Variants in C8orf74 observed in about 807,000 individuals in gnomAD.
C8orf74 encodes the protein uncharacterized protein C8orf74.
A neutral mutation model predicts 22.2 loss-of-function variants in C8orf74; 29 were observed. That is an observed-to-expected ratio of 1.31 (90% CI 0.97 to 1.78). C8orf74 has a LOEUF of 1.78. Ranked by LOEUF, C8orf74 falls within the 40% of genes most tolerant of loss-of-function variation. The pLI, the probability that C8orf74 is intolerant of heterozygous loss-of-function variation, is 0.00. For missense variants in C8orf74, 515 were observed against 369.9 expected, an observed-to-expected ratio of 1.39 and a Z score of -3.22; for synonymous variants, 255 against 163.1, an observed-to-expected ratio of 1.56 and a Z score of -4.30.
At chr8:10,678,134 G>C (rs1302377752) in intron 2 of C8orf74, among the ~76,000 whole-genome samples, 2 of 152,180 alleles carry the variant, frequency 1.3e-5, no homozygotes, top group Non-Finnish European at 2.9e-5. Context: ...AATTAAACTG[G>C]CTGAAAATAG....
At chr8:10,688,707 G>T (rs1022344634) in intron 2 of C8orf74, 1 of 152,284 alleles carries the variant, frequency 6.6e-6, no homozygotes, top group African/African-American at 2.4e-5. Context: ...CCATCCTGAT[G>T]AGGTCAGGAG....
intron 2 of C8orf74, chr8:10,689,729 T>A (rs1799334402): frequency 6.6e-6 from 1 of 152,244 alleles, no homozygotes; most frequent in Admixed American, 6.5e-5. Flanking sequence ...TGTACTGTGT[T>A]CTTACAATAA....
At chr8:10,677,901 C>T (rs1378059921) in intron 2 of C8orf74, among the ~76,000 whole-genome samples, 3 of 152,196 alleles carry the variant, frequency 2.0e-5, no homozygotes, top group Non-Finnish European at 4.4e-5. Flanking sequence ...TGTGCAATGG[C>T]GATTTCGAAT....
chr8:10,674,919 C>A, intron 2 of C8orf74, 81 bp downstream of exon 2: 3 of 1,227,926 alleles, frequency 2.4e-6, no homozygotes, highest in Non-Finnish European at 3.4e-6. Flanking sequence ...CCGTCCACAG[C>A]CCCAGCAGCC....
At chr8:10,682,695 G>A (rs949728857) in intron 2 of C8orf74, among the ~76,000 whole-genome samples, 5 of 152,170 alleles carry the variant, frequency 3.3e-5, no homozygotes, top group East Asian at 1.9e-4. Flanking sequence ...ACCTCAACAC[G>A]TAAACTAGGG....
chr8:10,695,180 G>C (rs538826301), intron 2 of C8orf74, among the ~76,000 whole-genome samples: 2 of 152,260 alleles, frequency 1.3e-5, no homozygotes, highest in African/African-American at 4.8e-5. Context: ...GCTTGTATTA[G>C]GCTCTGTACG....
At chr8:10,681,254 G>T (rs1799141664) in intron 2 of C8orf74, among the ~76,000 whole-genome samples, 1 of 152,104 alleles carries the variant, frequency 6.6e-6, no homozygotes. Flanking sequence ...CTCCACACCA[G>T]GCCAGAAGAA....
chr8:10,690,758 C>T (rs1400874026), intron 2 of C8orf74: 7 of 416,500 alleles, frequency 1.7e-5, no homozygotes, highest in South Asian at 3.4e-5. Context: ...TGGTCCGAGC[C>T]GTTTCTGCCC....
intron 2 of C8orf74, among the ~76,000 whole-genome samples, chr8:10,690,648 C>G (rs900980667): frequency 3.9e-5 from 6 of 152,120 alleles, no homozygotes; most frequent in African/African-American, 1.4e-4. Context: ...AAGGAGCAGC[C>G]TTCCCCGTTT....
intron 2 of C8orf74, 125 bp downstream of exon 2, chr8:10,674,963 T>C (rs1181806973): frequency 2.7e-6 from 2 of 727,344 alleles, no homozygotes; most frequent in Non-Finnish European, 4.4e-6. Flanking sequence ...TGCCCTTCCC[T>C]GGCATTGGGC....
Position 10,700,421 on chromosome 8 carries a change from C to G in C8orf74, c.835C>G (p.Leu279Val). 6.2e-7 allele frequency: 1 copy of G among 1,611,416 alleles called. No homozygotes were observed. Among genetic ancestry groups the G allele is most frequent in the South Asian group, 1.1e-5 (1 of 90,812 alleles). The change falls in exon 4 of 4, where the codon CTG becomes GTG. Residue 279 changes from leucine to valine, a missense_variant. Leu to Val is a conservative substitution (Grantham distance 32). Transcript: ENST00000304519. ...CAGCCACGCAGGCCAGGAGGAAGCCCTGAAGCCCCAAAGAGCGAGCAAAGG... is the reference window on the plus strand; with the variant it reads ...CAGCCACGCAGGCCAGGAGGAAGCCGTGAAGCCCCAAAGAGCGAGCAAAGG... Reference protein sequence around the residue: ...ITSHAGQEEALKPQRASKGKK... With the variant: ...ITSHAGQEEAVKPQRASKGKK...
rs762179806 is a variant in C8orf74 at position 10,697,738 on chromosome 8, T to C, written c.381T>C (p.Tyr127=). Residue 127 remains tyrosine, a synonymous_variant, in exon 3 of 4, where the codon TAT becomes TAC. Transcript: ENST00000304519. ...TFIRHYKLYQ[Y]VLGQDQQVDL... is the part of the protein sequence containing the mutation. ...TCCGCCACTACAAACTCTACCAGTA[T>C]GTCCTGGGCCAGGACCAGCAGGTCG... The C allele has an allele frequency of 1.9e-6, 3 of 1,614,052 alleles. No individual in the cohort carries two copies. The highest frequency in any genetic ancestry group is 1.1e-5 in the South Asian group (1 of 91,090).
chr8:10,676,424 G>T (rs536701157), intron 2 of C8orf74, among the ~76,000 whole-genome samples: 39 of 151,936 alleles, frequency 2.6e-4, no homozygotes, highest in Non-Finnish European at 4.7e-4. Flanking sequence ...TCTCTTGATT[G>T]GTCCACTGCT....
chr8:10,684,141 T>G (rs13259547), intron 2 of C8orf74, among the ~76,000 whole-genome samples: 8,484 of 152,258 alleles, frequency 0.056, 249 homozygotes, highest in South Asian at 0.085. Context: ...TCTCATTTAG[T>G]CCCCATGGCA....
chr8:10,699,051 G>A (rs546745279), intron 3 of C8orf74, among the ~76,000 whole-genome samples: 3 of 152,238 alleles, frequency 2.0e-5, no homozygotes, highest in Admixed American at 6.5e-5. Context: ...CTTAGTTCAC[G>A]AAGACATTCA....
rs1364612022 is a variant in C8orf74 at position 10,700,279 on chromosome 8, G to A, written c.693G>A (p.Glu231=). ...GCCAGGCAGTCCACACCCAGATGGAGCTCCTGCAGGAGCTGCTGCAGCGCC... is the reference window on the plus strand; with the variant it reads ...GCCAGGCAGTCCACACCCAGATGGAACTCCTGCAGGAGCTGCTGCAGCGCC... ...LICQAVHTQM[E]LLQELLQRQI... Residue 231 remains glutamate (E), a synonymous_variant, in exon 4 of 4, where the codon GAG becomes GAA. Coordinates refer to ENST00000304519, the MANE Select transcript of C8orf74 (RefSeq NM_001040032.2). 6.2e-7 allele frequency: 1 copy of A among 1,612,982 alleles called. No individual in the cohort carries two copies. The highest frequency in any genetic ancestry group is 8.5e-7 in the Non-Finnish European group (1 of 1,179,130).
At chr8:10,686,358 G>C (rs77611609) in intron 2 of C8orf74, among the ~76,000 whole-genome samples, 3,162 of 152,276 alleles carry the variant, frequency 0.021, 104 homozygotes, top group African/African-American at 0.067. Context: ...CTATTTCATA[G>C]GTTGGTTGTG....
At chr8:10,681,000 T>C (rs553995745) in intron 2 of C8orf74, among the ~76,000 whole-genome samples, 96 of 151,792 alleles carry the variant, frequency 6.3e-4, no homozygotes, top group African/African-American at 2.1e-3. Flanking sequence ...GGGATGTTTT[T>C]GTTGTTGTTA....
chr8:10,697,479 A>T (rs979727077), intron 2 of C8orf74, 120 bp from the exon 3 acceptor site: 8 of 775,768 alleles, frequency 1.0e-5, no homozygotes, highest in African/African-American at 7.1e-5. Context: ...AATATTTTTT[A>T]AAAATGCAGT....
Sources: gnomAD v4.1 joint callset for allele counts (sites outside exome capture counted in the v4.1 genomes callset) on GRCh38, gnomAD v4.1.1 for gene constraint, MANE v1.5 for transcripts, NCBI Gene and HGNC (gene_info 2026-07-23, HGNC 2026-07-21) for gene names.